Variants in SHLD1 observed in about 807,000 individuals in gnomAD.
SHLD1 encodes the protein shieldin complex subunit 1.
In SHLD1, 3 loss-of-function variants were observed where a neutral mutation model predicts 5.5. The observed-to-expected ratio is 0.54, with a 90% CI of 0.25 to 1.40. SHLD1 has a LOEUF of 1.40. Ranked by LOEUF, SHLD1 falls within the 40% of genes most tolerant of loss-of-function variation. SHLD1 has a pLI of 0.15. For synonymous variants in SHLD1, 92 were observed against 94.3 expected (o/e 0.98, Z 0.14); for missense variants, 210 against 244.4 (o/e 0.86, Z 0.94).
chr20:5,792,794 C>T (rs1470995441), intron 2 of SHLD1, among the ~76,000 whole-genome samples: 1 of 152,028 alleles, frequency 6.6e-6, no homozygotes, highest in East Asian at 1.9e-4. Context: ...GTGCCTCAGC[C>T]TCCCGAGTAG....
chr20:5,836,581 C>A (rs1362780321), intron 2 of SHLD1, among the ~76,000 whole-genome samples: 3 of 152,318 alleles, frequency 2.0e-5, no homozygotes, highest in East Asian at 1.9e-4. Flanking sequence ...TCTGCCTACC[C>A]CGGATATTCG....
chr20:5,839,209 G>T (rs565672230), intron 2 of SHLD1, among the ~76,000 whole-genome samples: 1 of 152,158 alleles, frequency 6.6e-6, no homozygotes, highest in Non-Finnish European at 1.5e-5. Context: ...AACTTGTCAT[G>T]TCAAATGAAA....
At chr20:5,773,486 T>C (rs780699291) in intron 2 of SHLD1, 6 of 270,718 alleles carry the variant, frequency 2.2e-5, no homozygotes, top group Admixed American at 9.7e-5. Flanking sequence ...AGTAACAACC[T>C]TTCTACAAGG....
At chr20:5,858,618 G>C (rs2088120388) in intron 2 of SHLD1, among the ~76,000 whole-genome samples, 1 of 152,196 alleles carries the variant, frequency 6.6e-6, no homozygotes, top group South Asian at 2.1e-4. Flanking sequence ...CAAATCACTT[G>C]AGGCCAGGAG....
chr20:5,844,827 C>A (rs2087913359), intron 2 of SHLD1, among the ~76,000 whole-genome samples: 1 of 136,552 alleles, frequency 7.3e-6, no homozygotes. Context: ...CACAGTCTCA[C>A]TCTGTCGCCT....
intron 2 of SHLD1, among the ~76,000 whole-genome samples, chr20:5,783,811 G>T (rs2087019295): frequency 6.6e-6 from 1 of 152,026 alleles, no homozygotes; most frequent in Admixed American, 6.6e-5. Context: ...ATGCATCCAG[G>T]CAGGCATTCA....
chr20:5,833,825 C>T (rs555024136), intron 2 of SHLD1, among the ~76,000 whole-genome samples: 4 of 151,888 alleles, frequency 2.6e-5, no homozygotes, highest in South Asian at 2.1e-4. Context: ...AGGTGAGGGG[C>T]GGAATAGTTG....
Position 5,765,796 on chromosome 20 carries a change from T to TTA in SHLD1, c.-4-7066_-4-7065insTA, listed in dbSNP as rs1182751082. 4.2e-5 allele frequency among the ~76,000 whole-genome samples: 6 copies of TTA among 143,058 alleles called. 1 individual carries two copies. In the South Asian group the frequency reaches 7.0e-4, roughly 17 times the overall value. The allele number at this position is 143,058 out of a possible 152,430, so 93.9% of individuals were successfully genotyped here. A position where few individuals can be genotyped will look rare whatever the true frequency, so the allele number is the denominator to read the frequency against. On this transcript the variant is annotated intron_variant, in intron 1 of 2. Transcript: ENST00000303142. ...TTTTTTTTTTTTTTTTTTTTTTTTT[T>TTA]AAGTAGAGGACAGGGTTTCACTATG...
chr20:5,803,711 A>AT lies in SHLD1; in HGVS notation c.178+30669dup, dbSNP rs2087332299. ...TGGTGAAAGCCCATCTCTACTAAAAATAAAAAAAAAATTAGCTGGGCGTGG... is the reference window on the plus strand; with the variant it reads ...TGGTGAAAGCCCATCTCTACTAAAAATTAAAAAAAAAATTAGCTGGGCGTGG... On this transcript the variant is annotated intron_variant, in intron 2 of 2. Transcript: ENST00000303142. 3.3e-5 allele frequency among the ~76,000 whole-genome samples: 5 copies of AT among 149,590 alleles called. No homozygotes were observed. In the South Asian group the frequency reaches 1.1e-3, roughly 32 times the overall value.
intron 2 of SHLD1, among the ~76,000 whole-genome samples, chr20:5,804,081 C>T (rs1388810122): frequency 1.3e-5 from 2 of 151,468 alleles, no homozygotes; most frequent in African/African-American, 2.4e-5. Flanking sequence ...GATGCCGAGG[C>T]GGGCAGATCA....
At chr20:5,767,142 CTTTTCTTTTT>C (rs981742606) in intron 1 of SHLD1, among the ~76,000 whole-genome samples, 1 of 151,536 alleles carries the variant, frequency 6.6e-6, no homozygotes, top group African/African-American at 2.4e-5. Flanking sequence ...CTTTTCTTTT[CTTTTCTTTTT>C]GAGACAGAGT....
intron 2 of SHLD1, among the ~76,000 whole-genome samples, chr20:5,861,872 T>C (rs6053754): frequency 0.3 from 46,194 of 152,040 alleles, 7,250 homozygotes; most frequent in East Asian, 0.46. Flanking sequence ...AGCTAGTGAT[T>C]TATAAAAGCT....
chr20:5,811,158 C>A (rs374926745), intron 2 of SHLD1, among the ~76,000 whole-genome samples: 15 of 152,150 alleles, frequency 9.9e-5, no homozygotes, highest in Non-Finnish European at 1.6e-4. Context: ...CAGGAAAAGG[C>A]TTATTCTCTC....
intron 1 of SHLD1, among the ~76,000 whole-genome samples, chr20:5,770,265 T>C (rs1041301937): frequency 6.6e-6 from 1 of 152,204 alleles, no homozygotes; most frequent in Non-Finnish European, 1.5e-5. Flanking sequence ...AAAGTGTTGC[T>C]GCGAAGTTGT....
At chr20:5,844,917 C>G (rs1337077333) in intron 2 of SHLD1, among the ~76,000 whole-genome samples, 2 of 151,074 alleles carry the variant, frequency 1.3e-5, no homozygotes, top group African/African-American at 2.4e-5. Context: ...GCCTCAGCCT[C>G]CCGAGTAGCT....
intron 2 of SHLD1, among the ~76,000 whole-genome samples, chr20:5,803,294 CT>C (rs1206679594): frequency 6.6e-6 from 1 of 152,092 alleles, no homozygotes; most frequent in African/African-American, 2.4e-5. Flanking sequence ...TCCCAGGTAG[CT>C]GGGACTTGAG....
rs544801122 is a variant in SHLD1, at chr20:5,778,118, T to C, written c.178+5075T>C. Among the ~76,000 whole-genome samples the C allele has an allele frequency of 1.1e-3, 157 of 142,262 alleles. 2 individuals carry two copies. Among genetic ancestry groups the C allele is most frequent in the African/African-American group, 3.9e-3 (152 of 38,608 alleles). The allele number at this position is 142,262 out of a possible 152,430, so 93.3% of individuals were successfully genotyped here. ...GAGGCAGGAGGATCCCTTTTTCTTT[T>C]TTTTTTTTTTTTTTTTGAGACAGAG... On this transcript the variant is annotated intron_variant, in intron 2 of 2. Transcript: ENST00000303142.
intron 2 of SHLD1, among the ~76,000 whole-genome samples, chr20:5,853,555 C>T (rs994144584): frequency 2.5e-4 from 38 of 152,198 alleles, no homozygotes; most frequent in Admixed American, 2.0e-3. Flanking sequence ...TACAAGGCCA[C>T]GGTTATCTGT....
At chr20:5,814,944 C>T (rs2087509899) in intron 2 of SHLD1, among the ~76,000 whole-genome samples, 2 of 151,990 alleles carry the variant, frequency 1.3e-5, no homozygotes, top group African/African-American at 4.8e-5. Context: ...TGAACCACTG[C>T]GCCCGGCCCC....
Sources: allele counts gnomAD v4.1 joint callset (sites outside exome capture counted in the v4.1 genomes callset), GRCh38; gene constraint gnomAD v4.1.1; transcripts MANE v1.5; gene names NCBI Gene and HGNC (gene_info 2026-07-23, HGNC 2026-07-21).